Variants in KDSR observed in about 807,000 individuals in gnomAD.
KDSR encodes 3-dehydrosphinganine reductase.
Under a neutral mutation model 41.3 loss-of-function variants are expected in KDSR, and 23 were observed. That is an observed-to-expected ratio of 0.56 (90% CI 0.40 to 0.79). The LOEUF is 0.79. KDSR is among the 30% of genes least tolerant of loss of function. The pLI, the probability that KDSR is intolerant of heterozygous loss-of-function variation, is 0.00. For missense variants in KDSR, 351 were observed against 416.8 expected, an observed-to-expected ratio of 0.84 and a Z score of 1.37; for synonymous variants, 138 against 151.7, an observed-to-expected ratio of 0.91 and a Z score of 0.66.
rs561273927 is a variant in KDSR at position 63,328,895 on chromosome 18, T to C, written c.*2887A>G. 7.0e-4 allele frequency: 133 copies of C among 190,280 alleles called. No individual in the cohort carries two copies. Among genetic ancestry groups the C allele is most frequent in the Non-Finnish European group, 1.1e-3 (102 of 90,668 alleles). 11.8% of individuals were successfully genotyped at this position (190,280 alleles called of 1,614,324 possible). On this transcript the variant is annotated 3_prime_UTR_variant, in exon 10 of 10. Coordinates refer to ENST00000645214, the MANE Select transcript of KDSR (RefSeq NM_002035.4). Reference sequence around the variant, plus strand: ...AAAAACTGAAATTCACAAAATGAGCTGTTCTTGGCTACATACAGAAGGCCA... The same window carrying C: ...AAAAACTGAAATTCACAAAATGAGCCGTTCTTGGCTACATACAGAAGGCCA...
chr18:63,356,836 T>C (rs982809774), intron 3 of KDSR, among the ~76,000 whole-genome samples: 4 of 152,226 alleles, frequency 2.6e-5, no homozygotes, highest in African/African-American at 9.6e-5. Flanking sequence ...TTTACAGAGC[T>C]GGTGTTTTTC....
intron 7 of KDSR, among the ~76,000 whole-genome samples, chr18:63,342,907 A>C (rs1914385167): frequency 4.0e-5 from 6 of 151,862 alleles, no homozygotes; most frequent in Admixed American, 3.3e-4. Flanking sequence ...ATGGGGGTGG[A>C]TTTCCCTCTT....
chr18:63,344,583 A>G, intron 6 of KDSR, 90 bp from the exon 7 acceptor site: 1 of 847,018 alleles, frequency 1.2e-6, no homozygotes, highest in Non-Finnish European at 2.0e-6. Flanking sequence ...CTGATTCCCA[A>G]AAAGCGGTGA....
At position 63,362,875 on chromosome 18, in the gene KDSR, C is replaced by A; in HGVS notation, c.109-7G>T. On this transcript the variant is annotated splice_region_variant and splice_polypyrimidine_tract_variant and intron_variant, in intron 1 of 9. Transcript: ENST00000645214. ...CACTGGAACCTCCTGTAACCTAAAA[C>A]AAAATCATAAAATATTCTTAGCACT... 1.3e-6 allele frequency: 2 copies of A among 1,599,608 alleles called. No individual in the cohort carries two copies. Among genetic ancestry groups the A allele is most frequent in the Non-Finnish European group, 1.7e-6 (2 of 1,167,892 alleles).
chr18:63,345,534 C>G (rs1180263394), intron 6 of KDSR: 1 of 152,178 alleles, frequency 6.6e-6, no homozygotes, highest in Non-Finnish European at 1.5e-5. Context: ...CTAGGAAACA[C>G]CTAAGGGATC....
intron 7 of KDSR, among the ~76,000 whole-genome samples, chr18:63,342,284 A>G (rs1036224788): frequency 2.6e-5 from 4 of 152,146 alleles, no homozygotes; most frequent in African/African-American, 9.7e-5. Flanking sequence ...AAAATATTAT[A>G]GCTCCACCAA....
intron 7 of KDSR, among the ~76,000 whole-genome samples, chr18:63,340,281 C>T (rs576175742): frequency 6.6e-4 from 100 of 152,300 alleles, no homozygotes; most frequent in Middle Eastern, 3.4e-3. Flanking sequence ...TCTGCTTATT[C>T]TAAGACAGGA....
intron 6 of KDSR, among the ~76,000 whole-genome samples, chr18:63,348,839 C>CA (rs1914588132): frequency 6.6e-6 from 1 of 152,174 alleles, no homozygotes; most frequent in African/African-American, 2.4e-5. Flanking sequence ...ATCCCGCAAC[C>CA]ACCCCTTCAC....
intron 5 of KDSR, 48 bp from the exon 6 acceptor site, chr18:63,351,127 G>C: frequency 7.0e-7 from 1 of 1,432,874 alleles, no homozygotes; most frequent in East Asian, 2.5e-5. Flanking sequence ...TCAAGGCTGT[G>C]CACATGGAGA....
At chr18:63,356,434 AT>A (rs1221235937) in intron 3 of KDSR, among the ~76,000 whole-genome samples, 1 of 152,144 alleles carries the variant, frequency 6.6e-6, no homozygotes, top group African/African-American at 2.4e-5. Context: ...CATATGATTA[AT>A]TTTAAAACAA....
intron 6 of KDSR, among the ~76,000 whole-genome samples, chr18:63,349,197 C>A (rs1027176507): frequency 4.6e-5 from 7 of 152,034 alleles, no homozygotes; most frequent in Non-Finnish European, 1.0e-4. Flanking sequence ...GCTTTGGCAA[C>A]ACAGTGAGAC....
rs755592686 is a variant in KDSR at position 63,331,887 on chromosome 18, G to T, written c.894C>A (p.Gly298=). 1 of 1,613,642 alleles carries T rather than the reference G, an allele frequency of 6.2e-7. No individual in the cohort carries two copies. Among genetic ancestry groups the T allele is most frequent in the Non-Finnish European group, 8.5e-7 (1 of 1,179,754 alleles). ...AAAACAAAGCAATAGTGCGGAAAAGGCCCATGGTGACCACCTGCAAGATAA... is the reference window on the plus strand; with the variant it reads ...AAAACAAAGCAATAGTGCGGAAAAGTCCCATGGTGACCACCTGCAAGATAA... ...TEGLQQVVTM[G]LFRTIALFYL... The change falls in exon 10 of 10, where the codon GGC becomes GGA. Residue 298 remains glycine, a synonymous_variant. Transcript: ENST00000645214.
rs373995661 is a variant in KDSR, at chr18:63,366,182, GA to G, written c.108+828del. ...GCAAGGAGGCATTCTCTCTGTTTAA[GA>G]AAGGTGCCACATTTGCAGAACAGGG... On this transcript the variant is annotated intron_variant, in intron 1 of 9. Transcript: ENST00000645214. The G allele has an allele frequency of 9.8e-5, 15 of 152,398 alleles. 1 individual carries two copies. The highest frequency in any genetic ancestry group is 3.6e-4 in the African/African-American group (15 of 41,588). 9.4% of individuals were successfully genotyped at this position (152,398 alleles called of 1,614,324 possible).
At chr18:63,350,825 C>G (rs1272739422) in intron 6 of KDSR, 63 bp downstream of exon 6, 2 of 1,206,336 alleles carry the variant, frequency 1.7e-6, no homozygotes, top group African/African-American at 1.5e-5. Context: ...AGCTATAAAA[C>G]TAAAGCGGAA....
intron 6 of KDSR, among the ~76,000 whole-genome samples, chr18:63,348,126 A>T (rs1914565678): frequency 6.6e-6 from 1 of 152,014 alleles, no homozygotes; most frequent in South Asian, 2.1e-4. Context: ...CCCCATGTCT[A>T]CAAAAAATAA....
intron 3 of KDSR, among the ~76,000 whole-genome samples, chr18:63,358,814 C>CAAAAAAAAA (rs10652370): frequency 4.8e-5 from 3 of 62,638 alleles, no homozygotes; most frequent in East Asian, 5.6e-4. Context: ...GACTCTGTCT[C>CAAAAAAAAA]AAAAAAAAAA....
intron 3 of KDSR, among the ~76,000 whole-genome samples, chr18:63,358,152 G>A (rs886841484): frequency 6.6e-5 from 10 of 152,148 alleles, no homozygotes; most frequent in Admixed American, 3.3e-4. Flanking sequence ...GCAACAGAGC[G>A]AGACTCCATC....
In KDSR at chr18:63,350,992, C is replaced by T. The variant is rs1258847059; in HGVS notation, c.505G>A (p.Val169Met). 1 of 1,614,198 alleles carries T rather than the reference C, an allele frequency of 6.2e-7. No individual in the cohort carries two copies. ...TMKERRVGRI[V>M]FVSSQAGQLG... Reference sequence around the variant, plus strand: ...TGTCCTGCCTGGGAGGACACAAACACGATCCTGCCCACCCGGCGCTCCTTC... The same window carrying T: ...TGTCCTGCCTGGGAGGACACAAACATGATCCTGCCCACCCGGCGCTCCTTC... Residue 169 changes from valine (V) to methionine (M), a missense_variant, in exon 6 of 10, where the codon GTG becomes ATG. Physicochemically the swap from Val to Met is conservative, Grantham distance 21. Coordinates refer to ENST00000645214, the MANE Select transcript of KDSR (RefSeq NM_002035.4).
At chr18:63,360,505 A>G (rs1464614122) in intron 2 of KDSR, among the ~76,000 whole-genome samples, 1 of 152,242 alleles carries the variant, frequency 6.6e-6, no homozygotes, top group Non-Finnish European at 1.5e-5. Flanking sequence ...GAATATGTCT[A>G]TAATGAAATA....
Sources: allele counts gnomAD v4.1 joint callset (sites outside exome capture counted in the v4.1 genomes callset), GRCh38; gene constraint gnomAD v4.1.1; transcripts MANE v1.5; gene names NCBI Gene and HGNC (gene_info 2026-07-23, HGNC 2026-07-21).